The following BIN3 variants were observed in gnomAD, a reference collection of about 807,000 sequenced individuals.
BIN3 encodes bridging integrator 3.
Under a neutral mutation model 38.2 loss-of-function variants are expected in BIN3, and 41 were observed. The ratio of observed to expected loss-of-function variants is 1.07; its 90% CI spans 0.84 to 1.39. BIN3 has a LOEUF of 1.39. Ranked by LOEUF, BIN3 falls within the 40% of genes most tolerant of loss-of-function variation. The pLI is 0.00. For missense variants in BIN3, 361 were observed against 324.3 expected (o/e 1.11, Z -0.87); for synonymous variants, 145 against 122.6 (o/e 1.18, Z -1.21).
At chr8:22,664,571 C>T (rs1188117278) in intron 1 of BIN3, among the ~76,000 whole-genome samples, 1 of 152,278 alleles carries the variant, frequency 6.6e-6, no homozygotes, top group East Asian at 1.9e-4. Flanking sequence ...CTGTGATTCA[C>T]TACCAACCTG....
intron 8 of BIN3, 27 bp downstream of exon 8, chr8:22,623,888 C>G: frequency 6.2e-7 from 1 of 1,608,056 alleles, no homozygotes; most frequent in Admixed American, 1.7e-5. Flanking sequence ...ATACCAAGCC[C>G]AGGGGAAGAG....
In BIN3 at chr8:22,620,806, C is replaced by G. The variant is rs1008929844; in HGVS notation, c.*616G>C. ...GTTCCTGCTTTGAGACCTGTGAATT[C>G]TTGTGGGACAGTTCCACTGACAGCT... On this transcript the variant is annotated 3_prime_UTR_variant, in exon 9 of 9. Transcript: ENST00000276416. 6.6e-6 allele frequency: 1 copy of G among 152,272 alleles called. No individual in the cohort carries two copies. The highest frequency in any genetic ancestry group is 1.5e-5 in the Non-Finnish European group (1 of 68,080). The allele number at this position is 152,272 out of a possible 1,614,324, so 9.4% of individuals were successfully genotyped here. A position where few individuals can be genotyped will look rare whatever the true frequency, so the allele number is the denominator to read the frequency against.
intron 1 of BIN3, among the ~76,000 whole-genome samples, chr8:22,661,006 T>C (rs1172831246): frequency 6.6e-6 from 1 of 152,190 alleles, no homozygotes; most frequent in African/African-American, 2.4e-5. Flanking sequence ...TGCCTCAGCC[T>C]GCTGAGTGCT....
intron 1 of BIN3, among the ~76,000 whole-genome samples, chr8:22,665,963 G>C (rs1803404203): frequency 6.6e-6 from 1 of 152,186 alleles, no homozygotes; most frequent in African/African-American, 2.4e-5. Context: ...GAGAAACTAA[G>C]ACAGAGAACA....
In BIN3 at chr8:22,669,092, A is replaced by G. The variant is rs757271561; in HGVS notation, c.-41T>C. On this transcript the variant is annotated 5_prime_UTR_variant, in exon 1 of 9. Coordinates refer to ENST00000276416, the MANE Select transcript of BIN3 (RefSeq NM_018688.6). ...TCTGCCGCCGGGGTCCTCAGCCACAACTCGTTTCTCTAGGGTCACTTCCGG... is the reference window on the plus strand; with the variant it reads ...TCTGCCGCCGGGGTCCTCAGCCACAGCTCGTTTCTCTAGGGTCACTTCCGG... The G allele has an allele frequency of 6.9e-6, 11 of 1,585,118 alleles. No homozygotes were observed. Among genetic ancestry groups the G allele is most frequent in the Middle Eastern group, 1.7e-4 (1 of 6,044 alleles).
At chr8:22,666,614 A>C (rs949181635) in intron 1 of BIN3, among the ~76,000 whole-genome samples, 2 of 152,166 alleles carry the variant, frequency 1.3e-5, no homozygotes, top group Non-Finnish European at 2.9e-5. Flanking sequence ...CCACTAAACA[A>C]ACAGGGGGTG....
chr8:22,628,988 A>C (rs1046881256), intron 6 of BIN3, among the ~76,000 whole-genome samples: 1 of 152,220 alleles, frequency 6.6e-6, no homozygotes, highest in African/African-American at 2.4e-5. Context: ...AGCCGGAGGC[A>C]CAGTCCCTTC....
chr8:22,639,585 T>G (rs1802475605), intron 2 of BIN3, among the ~76,000 whole-genome samples: 2 of 152,204 alleles, frequency 1.3e-5, no homozygotes, highest in Admixed American at 1.3e-4. Flanking sequence ...CAGTGGTTCC[T>G]TTTGAGGATT....
intron 1 of BIN3, among the ~76,000 whole-genome samples, chr8:22,646,954 C>T (rs774117647): frequency 6.6e-6 from 1 of 152,204 alleles, no homozygotes; most frequent in Non-Finnish European, 1.5e-5. Flanking sequence ...GCATTGCAGA[C>T]AGACAGCCTG....
At chr8:22,648,135 T>TTA (rs1430595487) in intron 1 of BIN3, among the ~76,000 whole-genome samples, 1 of 35,232 alleles carries the variant, frequency 2.8e-5, no homozygotes, top group Non-Finnish European at 7.2e-5. Context: ...ACTCCGTCTC[T>TTA]CAAAAAAAAA....
chr8:22,621,354 AGCCCT>A lies in BIN3; in HGVS notation c.*63_*67del. On this transcript the variant is annotated 3_prime_UTR_variant, in exon 9 of 9. Coordinates refer to ENST00000276416, the MANE Select transcript of BIN3 (RefSeq NM_018688.6). ...TCCCCAGCCTGTGAGAGGAGCAGCTAGCCCTGAGAAGGGCAAGGATGAATGAGGCT... is the reference window on the plus strand; with the variant it reads ...TCCCCAGCCTGTGAGAGGAGCAGCTAGAGAAGGGCAAGGATGAATGAGGCT... The A allele has an allele frequency of 2.0e-6, 3 of 1,533,356 alleles. No individual in the cohort carries two copies. Among genetic ancestry groups the A allele is most frequent in the Non-Finnish European group, 2.6e-6 (3 of 1,134,272 alleles). The allele number at this position is 1,533,356 out of a possible 1,614,324, so 95.0% of individuals were successfully genotyped here. A position where few individuals can be genotyped will look rare whatever the true frequency, so the allele number is the denominator to read the frequency against.
At chr8:22,660,590 T>G (rs1803200596) in intron 1 of BIN3, among the ~76,000 whole-genome samples, 4 of 152,164 alleles carry the variant, frequency 2.6e-5, no homozygotes, top group Admixed American at 2.0e-4. Context: ...GCCCCCTCCC[T>G]ACATCGTCCC....
chr8:22,661,255 A>T (rs1803225642), intron 1 of BIN3, among the ~76,000 whole-genome samples: 1 of 150,312 alleles, frequency 6.7e-6, no homozygotes, highest in Admixed American at 6.6e-5. Context: ...TACTATTCCC[A>T]TACTTTTACT....
At chr8:22,625,565 C>CA in intron 6 of BIN3, 1 of 612,244 alleles carries the variant, frequency 1.6e-6, no homozygotes, top group South Asian at 1.9e-5. Context: ...GCAGGACTCC[C>CA]AGATGTGCCT....
At position 22,621,260 on chromosome 8, in the gene BIN3, C is replaced by T. The variant is rs577564671; in HGVS notation, c.*162G>A. 49 of 959,118 alleles carry T rather than the reference C, an allele frequency of 5.1e-5. No individual in the cohort carries two copies. The South Asian group carries it at 7.8e-4, about 15-fold the overall frequency. The allele number at this position is 959,118 out of a possible 1,614,324, so 59.4% of individuals were successfully genotyped here. ...TGGGGAGACGGCGGCCTGCCTAGGG[C>T]TCCTGGTGCCAGGCTCAGGAAGAGT... On this transcript the variant is annotated 3_prime_UTR_variant, in exon 9 of 9. Coordinates refer to ENST00000276416, the MANE Select transcript of BIN3 (RefSeq NM_018688.6).
At chr8:22,652,012 A>G (rs1444936593) in intron 1 of BIN3, among the ~76,000 whole-genome samples, 2 of 136,088 alleles carry the variant, frequency 1.5e-5, no homozygotes, top group Admixed American at 1.5e-4. Flanking sequence ...CATTTCTGCT[A>G]TCAGATTTTT....
chr8:22,668,948 C>T, intron 1 of BIN3, 96 bp downstream of exon 1: 1 of 1,499,736 alleles, frequency 6.7e-7, no homozygotes, highest in Non-Finnish European at 9.0e-7. Context: ...AGGGGTCGCG[C>T]GGGACCGGAG....
intron 1 of BIN3, among the ~76,000 whole-genome samples, chr8:22,655,162 G>T (rs895836318): frequency 2.6e-5 from 4 of 152,174 alleles, no homozygotes; most frequent in African/African-American, 4.8e-5. Context: ...TTGTTGAGTT[G>T]TAAGAGTTCT....
At chr8:22,630,399 G>A in intron 5 of BIN3, 43 bp downstream of exon 5, 1 of 1,609,874 alleles carries the variant, frequency 6.2e-7, no homozygotes, top group Non-Finnish European at 8.5e-7. Context: ...GCCCAGACCG[G>A]GCAGAAGTCA....
Sources: gnomAD v4.1 joint callset for allele counts (sites outside exome capture counted in the v4.1 genomes callset) on GRCh38, gnomAD v4.1.1 for gene constraint, MANE v1.5 for transcripts, NCBI Gene and HGNC (gene_info 2026-07-23, HGNC 2026-07-21) for gene names.